Variants in MILR1 observed in about 807,000 individuals in gnomAD.
MILR1 encodes the protein allergin-1.
Under a neutral mutation model 18.5 loss-of-function variants are expected in MILR1, and 31 were observed. That is an observed-to-expected ratio of 1.68 (90% CI 1.26 to 2.26). MILR1 has a LOEUF of 2.26. MILR1 is among the 30% of genes most tolerant of loss of function. MILR1 has a pLI of 0.00. For missense variants in MILR1, 257 were observed against 157.4 expected (o/e 1.63, Z -3.38); for synonymous variants, 85 against 56.2 (o/e 1.51, Z -2.30).
intron 2 of MILR1, among the ~76,000 whole-genome samples, chr17:64,452,379 G>C (rs1335202676): frequency 6.6e-6 from 1 of 151,940 alleles, no homozygotes; most frequent in African/African-American, 2.4e-5. Context: ...TCAGCCTCCT[G>C]AGTAGCTGGG....
chr17:64,477,965 A>G, the MILR1 span: 2 of 1,613,954 alleles, frequency 1.2e-6, no homozygotes, highest in Non-Finnish European at 1.7e-6. Context: ...CAAAACTGTG[A>G]AGAGAATACT....
At chr17:64,485,892 A>G in the MILR1 span, 1 of 1,613,114 alleles carries the variant, frequency 6.2e-7, no homozygotes, top group Non-Finnish European at 8.5e-7. Context: ...CAGAAGAAAA[A>G]TAATCATTTC....
At chr17:64,495,713 AT>A in the MILR1 span, among the ~76,000 whole-genome samples, 66 of 147,844 alleles carry the variant, frequency 4.5e-4, no homozygotes, top group Middle Eastern at 3.5e-3. Context: ...AACTATTTGA[AT>A]TTTTTTTTTT....
intron 5 of MILR1, among the ~76,000 whole-genome samples, chr17:64,464,076 C>G (rs989883183): frequency 4.0e-5 from 6 of 151,578 alleles, no homozygotes; most frequent in Non-Finnish European, 8.8e-5. Flanking sequence ...CCCACCGCGG[C>G]CTCCCAAAGT....
the MILR1 span, among the ~76,000 whole-genome samples, chr17:64,489,061 T>C: frequency 6.0e-5 from 9 of 150,284 alleles, no homozygotes; most frequent in Non-Finnish European, 8.9e-5. Flanking sequence ...GGTCTCATCC[T>C]GTTGCACAGG....
At chr17:64,493,643 C>A in the MILR1 span, among the ~76,000 whole-genome samples, 1 of 151,978 alleles carries the variant, frequency 6.6e-6, no homozygotes, top group Non-Finnish European at 1.5e-5. Flanking sequence ...CGCCACCACG[C>A]CCGGCTAATT....
At chr17:64,490,796 A>G in the MILR1 span, 3 of 1,610,606 alleles carry the variant, frequency 1.9e-6, no homozygotes, top group Non-Finnish European at 1.7e-6. Context: ...TAAAACATAC[A>G]TGTAATTTAG....
rs2037332538 is a variant in MILR1 at position 64,457,703 on chromosome 17, C to A, written c.652+19C>A. The A allele has an allele frequency of 4.2e-6, 2 of 472,200 alleles. No individual in the cohort carries two copies. Among genetic ancestry groups the A allele is most frequent in the South Asian group, 1.3e-4 (2 of 14,860 alleles). 29.3% of individuals were successfully genotyped at this position (472,200 alleles called of 1,614,324 possible). ...TCAACAGGTAAGAGCAACCTGAGTT[C>A]TTTCAGCCAGGTCTGAACTCACTTC... is the stretch of plus-strand genomic sequence containing the variant. On this transcript the variant is annotated intron_variant, in intron 4 of 9. Transcript: ENST00000619286.
the MILR1 span, chr17:64,485,670 GAACAAACA>G: frequency 1.2e-5 from 16 of 1,351,822 alleles, no homozygotes; most frequent in Non-Finnish European, 1.6e-5. Context: ...CTAACATTAA[GAACAAACA>G]AACCCATATT....
chr17:64,466,705 A>C (rs1568072071), intron 8 of MILR1, 43 bp downstream of exon 8: 1 of 1,501,056 alleles, frequency 6.7e-7, no homozygotes, highest in Admixed American at 1.9e-5. Context: ...GAAATGAGAC[A>C]GGTGGTCCCT....
At chr17:64,478,041 T>C in the MILR1 span, 1 of 1,577,688 alleles carries the variant, frequency 6.3e-7, no homozygotes, top group Non-Finnish European at 8.7e-7. Context: ...AATAATAAAT[T>C]CCTCCACGTT....
chr17:64,459,997 TTTATTTATTTATTTATTTATTTA>T (rs1598096354), intron 4 of MILR1, among the ~76,000 whole-genome samples: 1 of 82,694 alleles, frequency 1.2e-5, no homozygotes, highest in Non-Finnish European at 2.2e-5. Context: ...TTTTATTTTA[TTTATTTATTTATTTATTTATTTA>T]TTTATTTATT....
chr17:64,496,980 G>C, the MILR1 span: 8 of 1,600,730 alleles, frequency 5.0e-6, no homozygotes, highest in African/African-American at 1.3e-5. Context: ...TCTCTCCGAA[G>C]TTAAAGAGCA....
chr17:64,452,082 G>GTTTTTTTTTTTTTT (rs34558703), intron 2 of MILR1, among the ~76,000 whole-genome samples: 1 of 137,172 alleles, frequency 7.3e-6, no homozygotes, highest in Non-Finnish European at 1.6e-5. Context: ...TCCCAGCTAT[G>GTTTTTTTTTTTTTT]TTTTTTTTTT....
chr17:64,454,842 A>G (rs1395835426), intron 3 of MILR1, among the ~76,000 whole-genome samples: 1 of 152,086 alleles, frequency 6.6e-6, no homozygotes, highest in African/African-American at 2.4e-5. Flanking sequence ...AAAAGTTAAA[A>G]AATATATATA....
At chr17:64,492,027 T>C in the MILR1 span, among the ~76,000 whole-genome samples, 1 of 151,866 alleles carries the variant, frequency 6.6e-6, no homozygotes, top group South Asian at 2.1e-4. Flanking sequence ...TGTTTTTTAG[T>C]AGGAAAGAAC....
intron 4 of MILR1, among the ~76,000 whole-genome samples, chr17:64,459,764 C>T (rs1477003026): frequency 5.9e-5 from 9 of 152,144 alleles, no homozygotes; most frequent in Non-Finnish European, 8.8e-5. Context: ...GTCTGGCCTG[C>T]AGCTAAAACT....
the MILR1 span, chr17:64,487,073 A>G: frequency 6.6e-6 from 1 of 152,128 alleles, no homozygotes; most frequent in Non-Finnish European, 1.5e-5. Flanking sequence ...CTTTAGCTAG[A>G]GTCACAGAAC....
chr17:64,495,002 T>C, the MILR1 span, among the ~76,000 whole-genome samples: 3 of 151,246 alleles, frequency 2.0e-5, no homozygotes, highest in Non-Finnish European at 4.4e-5. Flanking sequence ...TGAAACCCCG[T>C]CTCTACTAAA....
Sources: gnomAD v4.1 joint callset for allele counts (sites outside exome capture counted in the v4.1 genomes callset) on GRCh38, gnomAD v4.1.1 for gene constraint, MANE v1.5 for transcripts, NCBI Gene and HGNC (gene_info 2026-07-23, HGNC 2026-07-21) for gene names.